The following DNAH11 variants were observed in gnomAD, a reference collection of about 807,000 sequenced individuals.
The protein encoded by DNAH11 is dynein axonemal heavy chain 11.
DNAH11 carries 442 observed loss-of-function variants against 526.0 expected under a neutral mutation model. That is an observed-to-expected ratio of 0.84 (90% CI 0.78 to 0.91). The LOEUF (loss-of-function observed/expected upper bound fraction) is 0.91, where lower values mean the gene tolerates loss of function less well. Ranked by LOEUF, DNAH11 falls within the 40% of genes least tolerant of loss-of-function variation. The probability of loss-of-function intolerance (pLI) is 0.00; values close to 1 mark genes in which losing one functional copy is unlikely to be tolerated. For missense variants in DNAH11, 6,989 were observed against 5,448.7 expected (o/e 1.28, Z -8.90); for synonymous variants, 2,461 against 1,935.9 (o/e 1.27, Z -7.12).
intron 79 of DNAH11, 138 bp from the exon 80 acceptor site, chr7:21,899,198 C>A: frequency 1.4e-6 from 1 of 694,072 alleles, no homozygotes; most frequent in Non-Finnish European, 2.6e-6. Flanking sequence ...TGCAAATTGT[C>A]AGGGAAGGAT....
At chr7:21,702,455 G>C (rs1784104218) in intron 36 of DNAH11, among the ~76,000 whole-genome samples, 1 of 151,666 alleles carries the variant, frequency 6.6e-6, no homozygotes, top group Non-Finnish European at 1.5e-5. Flanking sequence ...GGAGCCTTAG[G>C]CAAATACTGC....
intron 41 of DNAH11, 49 bp from the exon 42 acceptor site, chr7:21,711,663 T>A (rs1784467207): frequency 1.9e-6 from 3 of 1,585,964 alleles, no homozygotes; most frequent in Non-Finnish European, 2.6e-6. Flanking sequence ...CTTCTGGATG[T>A]TTGCGGCATT....
intron 29 of DNAH11, 24 bp from the exon 30 acceptor site, chr7:21,658,774 T>C (rs371971580): frequency 6.3e-5 from 97 of 1,537,818 alleles, no homozygotes; most frequent in Non-Finnish European, 7.9e-5. Context: ...GCCTGTGTTA[T>C]AACATTTCAA....
At chr7:21,566,917 T>C (rs1783694457) in intron 6 of DNAH11, among the ~76,000 whole-genome samples, 1 of 152,218 alleles carries the variant, frequency 6.6e-6, no homozygotes, top group Admixed American at 6.5e-5. Flanking sequence ...TCTTGAAAGA[T>C]TATTTTGTTA....
Position 21,591,585 on chromosome 7 carries a change from C to A in DNAH11, c.2667+8C>A. 1 of 1,517,726 alleles carries A rather than the reference C, an allele frequency of 6.6e-7. No individual in the cohort carries two copies. Among genetic ancestry groups the A allele is most frequent in the African/African-American group, 1.4e-5 (1 of 72,066 alleles). The allele number at this position is 1,517,726 out of a possible 1,614,324, so 94.0% of individuals were successfully genotyped here. A position where few individuals can be genotyped will look rare whatever the true frequency, so the allele number is the denominator to read the frequency against. On this transcript the variant is annotated splice_region_variant and intron_variant, in intron 14 of 81. Transcript: ENST00000409508. ...ATCCACAACTTGGTCGAGGTAATGG[C>A]TTTTAACCTTTCAAGATTTATAGAT...
intron 25 of DNAH11, among the ~76,000 whole-genome samples, chr7:21,632,336 T>C (rs1434868627): frequency 6.6e-6 from 1 of 152,206 alleles, no homozygotes; most frequent in African/African-American, 2.4e-5. Flanking sequence ...AACATTCAGC[T>C]CCTGGTTACT....
chr7:21,794,260 T>A (rs534762566), intron 61 of DNAH11, among the ~76,000 whole-genome samples: 1 of 152,324 alleles, frequency 6.6e-6, no homozygotes, highest in South Asian at 2.1e-4. Context: ...CGCTCCTTGC[T>A]TTGTTTATTT....
At chr7:21,683,321 G>A (rs942996244) in intron 31 of DNAH11, among the ~76,000 whole-genome samples, 2 of 152,210 alleles carry the variant, frequency 1.3e-5, no homozygotes, top group African/African-American at 2.4e-5. Flanking sequence ...GTTATTTGAT[G>A]TGATTAAAAA....
chr7:21,623,428 C>G (rs1365599496), intron 25 of DNAH11, among the ~76,000 whole-genome samples: 1 of 152,192 alleles, frequency 6.6e-6, no homozygotes, highest in African/African-American at 2.4e-5. Flanking sequence ...GGATCTAGAA[C>G]TAGAAATACC....
At chr7:21,777,071 C>T (rs927272282) in intron 56 of DNAH11, among the ~76,000 whole-genome samples, 1 of 152,102 alleles carries the variant, frequency 6.6e-6, no homozygotes, top group African/African-American at 2.4e-5. Flanking sequence ...TTTATAACCA[C>T]ACCTACGTTA....
At chr7:21,642,259 T>TAGA (rs3061383) in intron 28 of DNAH11, among the ~76,000 whole-genome samples, 51,016 of 151,812 alleles carry the variant, frequency 0.34, 11,632 homozygotes, top group African/African-American at 0.63. Context: ...GGTCTATCAT[T>TAGA]AGAAGTGTTT....
intron 63 of DNAH11, among the ~76,000 whole-genome samples, chr7:21,811,483 C>T (rs1789519489): frequency 6.6e-6 from 1 of 151,260 alleles, no homozygotes; most frequent in Non-Finnish European, 1.5e-5. Flanking sequence ...GCCAAAAGGA[C>T]AAATACTTCA....
chr7:21,631,499 CT>C (rs1405984043), intron 25 of DNAH11, among the ~76,000 whole-genome samples: 1 of 152,142 alleles, frequency 6.6e-6, no homozygotes, highest in African/African-American at 2.4e-5. Context: ...TAGTTACTTC[CT>C]AGATAAAATG....
chr7:21,655,195 A>G (rs1285815322), intron 28 of DNAH11, among the ~76,000 whole-genome samples: 3 of 152,044 alleles, frequency 2.0e-5, no homozygotes, highest in African/African-American at 7.2e-5. Flanking sequence ...ATCTTTATAG[A>G]TGTGGCCTGG....
chr7:21,555,205 T>C (rs186426607), intron 2 of DNAH11, among the ~76,000 whole-genome samples: 68 of 152,346 alleles, frequency 4.5e-4, no homozygotes, highest in African/African-American at 1.5e-3. Flanking sequence ...ACCCAATTTT[T>C]ATCTGAGCCA....
chr7:21,744,556 T>A lies in DNAH11; in HGVS notation c.8273T>A (p.Leu2758Ter). The A allele has an allele frequency of 1.2e-6, 2 of 1,613,580 alleles. No individual in the cohort carries two copies. Among genetic ancestry groups the A allele is most frequent in the Non-Finnish European group, 1.7e-6 (2 of 1,179,778 alleles). ...CTGATAGACAAAAAAGATTGTGATT[T>A]GTTTCAGAGAAGAATGCTGGAAACT... ...DKLIDKKDCD[L>*]FQRRMLETAY... Residue 2758 changes from leucine to a stop codon, truncating the protein, a stop_gained, in exon 50 of 82, where the codon TTG (leucine) becomes TAG (stop). Coordinates refer to ENST00000409508, the MANE Select transcript of DNAH11 (RefSeq NM_001277115.2). LOFTEE classifies it high-confidence loss of function.
At chr7:21,562,842 C>G (rs916341503) in intron 5 of DNAH11, among the ~76,000 whole-genome samples, 1 of 152,124 alleles carries the variant, frequency 6.6e-6, no homozygotes, top group African/African-American at 2.4e-5. Context: ...GTTACATAGA[C>G]AGATGAACTG....
chr7:21,763,388 G>A (rs1787019016), intron 54 of DNAH11, among the ~76,000 whole-genome samples: 3 of 147,518 alleles, frequency 2.0e-5, no homozygotes, highest in Middle Eastern at 3.5e-3. Context: ...ATATCCAACA[G>A]GTATAGGAAA....
chr7:21,784,809 G>A (rs1397047924), intron 58 of DNAH11, among the ~76,000 whole-genome samples: 2 of 152,102 alleles, frequency 1.3e-5, no homozygotes, highest in Non-Finnish European at 2.9e-5. Context: ...TATACTCTTA[G>A]GAAAGGCAAC....
Sources: allele counts gnomAD v4.1 joint callset (sites outside exome capture counted in the v4.1 genomes callset), GRCh38; gene constraint gnomAD v4.1.1; transcripts MANE v1.5; gene names NCBI Gene and HGNC (gene_info 2026-07-23, HGNC 2026-07-21).